Variants in NAALADL2 observed in about 807,000 individuals in gnomAD.
NAALADL2 encodes inactive N-acetylated-alpha-linked acidic dipeptidase-like protein 2.
A neutral mutation model predicts 87.2 loss-of-function variants in NAALADL2; 76 were observed. That is an observed-to-expected ratio of 0.87 (90% CI 0.72 to 1.05). The LOEUF is 1.05. NAALADL2 is among the 50% of genes least tolerant of loss of function. The pLI, the probability that NAALADL2 is intolerant of heterozygous loss-of-function variation, is 0.00. For missense variants in NAALADL2, 1,089 were observed against 945.8 expected, an observed-to-expected ratio of 1.15 and a Z score of -1.99; for synonymous variants, 354 against 331.0, an observed-to-expected ratio of 1.07 and a Z score of -0.75.
At chr3:175,435,633 ACT>A (rs1164557142) in intron 5 of NAALADL2, among the ~76,000 whole-genome samples, 1 of 152,058 alleles carries the variant, frequency 6.6e-6, no homozygotes, top group Non-Finnish European at 1.5e-5. Context: ...AATGATGGTA[ACT>A]CATATATTAT....
chr3:175,568,496 G>A (rs767107163), intron 9 of NAALADL2, among the ~76,000 whole-genome samples: 6 of 152,210 alleles, frequency 3.9e-5, no homozygotes, highest in Non-Finnish European at 8.8e-5. Flanking sequence ...AATGTGGTTT[G>A]TGAGCTGGAT....
chr3:175,351,539 T>C (rs987487168), intron 5 of NAALADL2, among the ~76,000 whole-genome samples: 1 of 152,068 alleles, frequency 6.6e-6, no homozygotes, highest in Non-Finnish European at 1.5e-5. Flanking sequence ...TTATCATTTA[T>C]TTTGGACAAT....
chr3:174,462,057 T>A (rs1443049467), intron 1 of NAALADL2, among the ~76,000 whole-genome samples: 4 of 144,246 alleles, frequency 2.8e-5, no homozygotes, highest in Non-Finnish European at 6.0e-5. Flanking sequence ...CTCAGGTTTT[T>A]AAAAATATTT....
chr3:174,973,740 A>C (rs1162079701), intron 1 of NAALADL2, among the ~76,000 whole-genome samples: 1 of 152,196 alleles, frequency 6.6e-6, no homozygotes, highest in Non-Finnish European at 1.5e-5. Flanking sequence ...CCTGTACAGC[A>C]TGTTATGGCA....
Position 174,460,866 on chromosome 3 carries a change from A to C in NAALADL2, c.-184+19834A>C, listed in dbSNP as rs1716172702. ...AAGCTTATTTAAAAGACTTTACTTA[A>C]GATTAGATTTTTCTTTCCTCCTTCC... On this transcript the variant is annotated intron_variant, in intron 1 of 3. Coordinates refer to the NAALADL2 transcript ENST00000434257. Among the ~76,000 whole-genome samples the C allele has an allele frequency of 2.0e-5, 3 of 151,992 alleles. No individual in the cohort carries two copies. The South Asian group carries it at 6.2e-4, about 31-fold the overall frequency.
intron 3 of NAALADL2, among the ~76,000 whole-genome samples, chr3:174,849,332 CACAG>C (rs2109464930): frequency 6.6e-6 from 1 of 152,226 alleles, no homozygotes; most frequent in South Asian, 2.1e-4. Context: ...CAGCTTAAAA[CACAG>C]ACACATTGTA....
intron 2 of NAALADL2, among the ~76,000 whole-genome samples, chr3:174,593,929 T>G (rs1362984418): frequency 6.6e-6 from 1 of 152,190 alleles, no homozygotes; most frequent in African/African-American, 2.4e-5. Flanking sequence ...GGCAGAGTTC[T>G]GTGAGCCCTA....
chr3:175,810,359 C>A lies in NAALADL2; in HGVS notation c.*7156C>A, dbSNP rs1164481450. ...ACACAAATGGATTGAGATACCACAT[C>A]CATTAAAAATATAAGTGAATATTTT... On this transcript the variant is annotated 3_prime_UTR_variant, in exon 14 of 14. Coordinates refer to ENST00000454872, the MANE Select transcript of NAALADL2 (RefSeq NM_207015.3). 1 of 151,746 alleles carries A rather than the reference C, an allele frequency of 6.6e-6. No homozygotes were observed. Among genetic ancestry groups the A allele is most frequent in the Non-Finnish European group, 1.5e-5 (1 of 67,914 alleles). The allele number at this position is 151,746 out of a possible 1,614,324, so 9.4% of individuals were successfully genotyped here.
At chr3:175,322,122 A>C (rs979637046) in intron 4 of NAALADL2, among the ~76,000 whole-genome samples, 33 of 150,642 alleles carry the variant, frequency 2.2e-4, no homozygotes, top group African/African-American at 8.0e-4. Context: ...ACAGCATGGT[A>C]CTGGTACCAA....
chr3:175,452,607 T>C (rs1301443618), intron 6 of NAALADL2, among the ~76,000 whole-genome samples: 5 of 152,054 alleles, frequency 3.3e-5, no homozygotes. Flanking sequence ...TTCAGGGAGC[T>C]AGAACTCTTT....
intron 13 of NAALADL2, among the ~76,000 whole-genome samples, chr3:175,784,094 A>G: frequency 6.7e-6 from 1 of 149,642 alleles, no homozygotes; most frequent in South Asian, 2.1e-4. Context: ...GTGCTGCTGG[A>G]TTCGTTTTGC....
chr3:175,349,867 G>A (rs1158281756), intron 5 of NAALADL2, among the ~76,000 whole-genome samples: 1 of 152,034 alleles, frequency 6.6e-6, no homozygotes, highest in Non-Finnish European at 1.5e-5. Context: ...TCACATTAGA[G>A]AGAGCCTGGC....
intron 10 of NAALADL2, among the ~76,000 whole-genome samples, chr3:175,594,093 C>T (rs1285126838): frequency 2.0e-5 from 3 of 151,874 alleles, no homozygotes; most frequent in Non-Finnish European, 4.4e-5. Flanking sequence ...TCCTGTCACC[C>T]AGGTAGTGAG....
At chr3:175,151,292 C>G (rs550294309) in intron 2 of NAALADL2, among the ~76,000 whole-genome samples, 1 of 152,146 alleles carries the variant, frequency 6.6e-6, no homozygotes, top group African/African-American at 2.4e-5. Context: ...TTGTCAAGTT[C>G]TTATTCACAG....
chr3:174,888,691 T>G (rs1355401162), intron 1 of NAALADL2, among the ~76,000 whole-genome samples: 2 of 152,214 alleles, frequency 1.3e-5, no homozygotes, highest in African/African-American at 4.8e-5. Context: ...GCATTTGTAT[T>G]CTGTGCTTAT....
intron 11 of NAALADL2, among the ~76,000 whole-genome samples, chr3:175,688,150 G>A (rs1340038135): frequency 6.6e-6 from 1 of 152,134 alleles, no homozygotes. Flanking sequence ...TAAGCTCTGA[G>A]AAGCAGAATG....
intron 2 of NAALADL2, among the ~76,000 whole-genome samples, chr3:174,705,949 C>T (rs1005886718): frequency 2.0e-5 from 3 of 152,092 alleles, no homozygotes; most frequent in African/African-American, 7.2e-5. Context: ...CTTTGGTGTT[C>T]TTTTCATTAC....
At position 175,031,835 on chromosome 3, in the gene NAALADL2, T is replaced by C. The variant is rs1252026175; in HGVS notation, c.44-64955T>C. Among the ~76,000 whole-genome samples, 6 of 152,242 alleles carry C rather than the reference T, an allele frequency of 3.9e-5. No homozygotes were observed. In the East Asian group the frequency reaches 1.2e-3, roughly 29 times the overall value. ...CTGACTGGTGTGAGATGGTATCTCA[T>C]TGCGGTTTTGATTTGCATTTATCTG... On this transcript the variant is annotated intron_variant, in intron 1 of 13. Coordinates refer to ENST00000454872, the MANE Select transcript of NAALADL2 (RefSeq NM_207015.3).
chr3:174,861,092 A>C lies in NAALADL2; in HGVS notation c.43+1642A>C, dbSNP rs907397018. ...AAACTTGTGAAATCAGTTATATACT[A>C]GGGAGTTTTTGTTTGTATACTCTGA... On this transcript the variant is annotated intron_variant, in intron 1 of 13. Transcript: ENST00000454872. Among the ~76,000 whole-genome samples, 7 of 152,046 alleles carry C rather than the reference A, an allele frequency of 4.6e-5. No homozygotes were observed. The East Asian group carries it at 1.4e-3, about 29-fold the overall frequency.
Sources: allele counts gnomAD v4.1 joint callset (sites outside exome capture counted in the v4.1 genomes callset), GRCh38; gene constraint gnomAD v4.1.1; transcripts MANE v1.5; gene names NCBI Gene and HGNC (gene_info 2026-07-23, HGNC 2026-07-21).